BLK: variants seen among roughly 807,000 people sequenced by gnomAD.
BLK encodes tyrosine-protein kinase Blk.
Under a neutral mutation model 61.8 loss-of-function variants are expected in BLK, and 64 were observed. The ratio of observed to expected loss-of-function variants is 1.03; its 90% confidence interval spans 0.85 to 1.27. The LOEUF is 1.27. Ranked by LOEUF, BLK falls within the 50% of genes most tolerant of loss-of-function variation. The pLI is 0.00. For missense variants in BLK, 853 were observed against 660.5 expected, an observed-to-expected ratio of 1.29 and a Z score of -3.19; for synonymous variants, 351 against 272.0, an observed-to-expected ratio of 1.29 and a Z score of -2.86.
At chr8:11,550,706 G>A (rs534080558) in intron 6 of BLK, among the ~76,000 whole-genome samples, 11 of 152,370 alleles carry the variant, frequency 7.2e-5, no homozygotes, top group African/African-American at 2.6e-4. Context: ...TGTAAGAGAA[G>A]AGGGTGGTAA....
At chr8:11,536,743 A>G (rs1800148562) in intron 1 of BLK, among the ~76,000 whole-genome samples, 1 of 152,176 alleles carries the variant, frequency 6.6e-6, no homozygotes, top group Admixed American at 6.5e-5. Flanking sequence ...AAGGTTTCAT[A>G]AAAAATAGTT....
chr8:11,519,153 G>C (rs1213678272), intron 1 of BLK, among the ~76,000 whole-genome samples: 1 of 152,176 alleles, frequency 6.6e-6, no homozygotes, highest in Non-Finnish European at 1.5e-5. Flanking sequence ...GTGGCCTCCA[G>C]CATGTTGCAA....
intron 3 of BLK, 37 bp downstream of exon 3, chr8:11,546,140 C>T (rs373261122): frequency 3.7e-6 from 6 of 1,610,320 alleles, no homozygotes; most frequent in African/African-American, 1.3e-5. Flanking sequence ...GGCTCCACAG[C>T]CCTCTCCCCT....
In BLK at chr8:11,548,142, C is replaced by T; in HGVS notation, c.269+17C>T. On this transcript the variant is annotated intron_variant, in intron 4 of 12. Coordinates refer to ENST00000259089, the MANE Select transcript of BLK (RefSeq NM_001715.3). ...CCTGAAGGGGTGAGGTTCCAGGACA[C>T]CATCCCCTGTCCCTGCAGGACCCCC... The T allele has an allele frequency of 6.3e-7, 1 of 1,598,210 alleles. No homozygotes were observed. Among genetic ancestry groups the T allele is most frequent in the Non-Finnish European group, 8.6e-7 (1 of 1,166,938 alleles).
intron 1 of BLK, among the ~76,000 whole-genome samples, chr8:11,524,182 A>T (rs1349930732): frequency 6.6e-6 from 1 of 152,224 alleles, no homozygotes; most frequent in African/African-American, 2.4e-5. Context: ...GTTCAAAATT[A>T]CATTTATTTA....
intron 1 of BLK, among the ~76,000 whole-genome samples, chr8:11,529,566 C>A (rs2467522): frequency 0.017 from 2,592 of 152,218 alleles, 44 homozygotes; most frequent in African/African-American, 0.045. Context: ...AGATCAGAAT[C>A]TTGTAGCCTC....
chr8:11,544,119 C>T (rs1585389101), intron 2 of BLK, among the ~76,000 whole-genome samples: 1 of 152,104 alleles, frequency 6.6e-6, no homozygotes, highest in African/African-American at 2.4e-5. Context: ...CACATGCCAC[C>T]ACACCTGGCT....
At chr8:11,545,785 C>A in intron 2 of BLK, 1 of 511,422 alleles carries the variant, frequency 2.0e-6, no homozygotes, top group Non-Finnish European at 3.5e-6. Context: ...GTTGGGCTTT[C>A]CCTCATTGTC....
At chr8:11,521,007 A>G (rs1208375703) in intron 1 of BLK, among the ~76,000 whole-genome samples, 1 of 152,236 alleles carries the variant, frequency 6.6e-6, no homozygotes. Flanking sequence ...AATGAGAAAG[A>G]ATAATGAAGA....
chr8:11,554,823 G>C lies in BLK; in HGVS notation c.553G>C (p.Gly185Arg). The change falls in exon 7 of 13, where the codon GGG (glycine) becomes CGG (arginine). Residue 185 changes from glycine to arginine, a missense_variant. Gly to Arg is a moderately radical substitution (Grantham distance 125, BLOSUM62 -2). Coordinates refer to ENST00000259089, the MANE Select transcript of BLK (RefSeq NM_001715.3). ...CTATAAGATCCGCTGCCTGGATGAA[G>C]GGGGCTACTACATCTCCCCCCGGAT... Reference protein sequence around the residue: ...KHYKIRCLDEGGYYISPRITF... With the variant: ...KHYKIRCLDERGYYISPRITF... 3 of 1,614,044 alleles carry C rather than the reference G, an allele frequency of 1.9e-6. No individual in the cohort carries two copies. The highest frequency in any genetic ancestry group is 2.5e-6 in the Non-Finnish European group (3 of 1,179,998).
intron 1 of BLK, among the ~76,000 whole-genome samples, chr8:11,540,756 C>A (rs944216893): frequency 2.4e-4 from 36 of 151,438 alleles, no homozygotes; most frequent in African/African-American, 8.5e-4. Flanking sequence ...TAAAGATTTA[C>A]TATTTGAAAG....
chr8:11,539,391 AT>A (rs1800274287), intron 1 of BLK, among the ~76,000 whole-genome samples: 1 of 151,750 alleles, frequency 6.6e-6, no homozygotes, highest in Non-Finnish European at 1.5e-5. Flanking sequence ...GTGTAGATTT[AT>A]TCAACAAGTC....
At chr8:11,507,814 T>A (rs966754835) in intron 1 of BLK, among the ~76,000 whole-genome samples, 1 of 152,092 alleles carries the variant, frequency 6.6e-6, no homozygotes, top group Non-Finnish European at 1.5e-5. Flanking sequence ...CTAAAGACAG[T>A]CACCCCATGG....
intron 1 of BLK, among the ~76,000 whole-genome samples, chr8:11,508,286 G>C (rs570818194): frequency 6.6e-6 from 1 of 152,248 alleles, no homozygotes; most frequent in Admixed American, 6.5e-5. Flanking sequence ...GCAGACACAT[G>C]CACAGCTACT....
At chr8:11,518,959 A>G (rs1799332684) in intron 1 of BLK, among the ~76,000 whole-genome samples, 1 of 152,032 alleles carries the variant, frequency 6.6e-6, no homozygotes, top group African/African-American at 2.4e-5. Context: ...TCTTTCTCTT[A>G]TCTAAATACC....
chr8:11,497,418 G>A (rs1211021763), intron 1 of BLK, among the ~76,000 whole-genome samples: 1 of 152,094 alleles, frequency 6.6e-6, no homozygotes, highest in Non-Finnish European at 1.5e-5. Context: ...TCCAGGGCAG[G>A]TGCGAATGTC....
rs765834060 is a variant in BLK at position 11,556,809 on chromosome 8, C to A, written c.924C>A (p.Ile308=). ...ACGCAGTGGTCACCAAGGAGCCCATCTACATTGTCACCGAGTACATGGCCA... is the reference window on the plus strand; with the variant it reads ...ACGCAGTGGTCACCAAGGAGCCCATATACATTGTCACCGAGTACATGGCCA... ...RLYAVVTKEP[I]YIVTEYMARG... is the part of the protein sequence containing the mutation. Residue 308 remains isoleucine (I), a synonymous_variant, in exon 9 of 13, where the codon ATC becomes ATA. Coordinates refer to ENST00000259089, the MANE Select transcript of BLK (RefSeq NM_001715.3). 1.2e-6 allele frequency: 2 copies of A among 1,614,194 alleles called. No homozygotes were observed. Among genetic ancestry groups the A allele is most frequent in the South Asian group, 2.2e-5 (2 of 91,084 alleles).
At chr8:11,514,997 T>C (rs1218407969) in intron 1 of BLK, among the ~76,000 whole-genome samples, 1 of 152,108 alleles carries the variant, frequency 6.6e-6, no homozygotes, top group African/African-American at 2.4e-5. Context: ...TTTCACCTCT[T>C]CTGGAGTCCT....
At chr8:11,495,725 T>C (rs570556666) in intron 1 of BLK, among the ~76,000 whole-genome samples, 1 of 152,200 alleles carries the variant, frequency 6.6e-6, no homozygotes, top group East Asian at 1.9e-4. Context: ...ATTCGCATCC[T>C]GTATTGGATC....
Sources: allele counts gnomAD v4.1 joint callset (sites outside exome capture counted in the v4.1 genomes callset), GRCh38; gene constraint gnomAD v4.1.1; transcripts MANE v1.5; gene names NCBI Gene and HGNC (gene_info 2026-07-23, HGNC 2026-07-21).